PDE1A: variants seen among roughly 807,000 people sequenced by gnomAD.
PDE1A encodes dual specificity calcium/calmodulin-dependent 3',5'-cyclic nucleotide phosphodiesterase 1A.
PDE1A carries 35 observed loss-of-function variants against 61.7 expected under a neutral mutation model. That is an observed-to-expected ratio of 0.57 (90% CI 0.43 to 0.75). The LOEUF is 0.75. Ranked by LOEUF, PDE1A falls within the 30% of genes least tolerant of loss-of-function variation. The probability of loss-of-function intolerance (pLI) is 0.00; values close to 1 mark genes in which losing one functional copy is unlikely to be tolerated. For missense variants in PDE1A, 597 were observed against 630.6 expected (o/e 0.95, Z 0.57); for synonymous variants, 232 against 213.2 (o/e 1.09, Z -0.77).
intron 13 of PDE1A, among the ~76,000 whole-genome samples, chr2:182,151,657 A>G (rs75002550): frequency 0.018 from 2,741 of 152,284 alleles, 88 homozygotes; most frequent in African/African-American, 0.062. Context: ...TAGACTTTAA[A>G]TATACTCCTT....
chr2:182,417,892 T>TA (rs1025464474), intron 1 of PDE1A, among the ~76,000 whole-genome samples: 12 of 151,646 alleles, frequency 7.9e-5, no homozygotes, highest in Non-Finnish European at 1.6e-4. Context: ...AATGTCAATT[T>TA]AAAAAAAAAT....
At chr2:182,218,703 C>A (rs1688456069) in intron 7 of PDE1A, among the ~76,000 whole-genome samples, 1 of 152,008 alleles carries the variant, frequency 6.6e-6, no homozygotes, top group Non-Finnish European at 1.5e-5. Context: ...GCTTTTTCTG[C>A]ATTTATTGAT....
chr2:182,283,558 T>C (rs995133193), intron 1 of PDE1A, among the ~76,000 whole-genome samples: 1 of 152,062 alleles, frequency 6.6e-6, no homozygotes, highest in South Asian at 2.1e-4. Flanking sequence ...GAAACTGTTA[T>C]GAGTTTTTTT....
intron 1 of PDE1A, among the ~76,000 whole-genome samples, chr2:182,287,254 T>C (rs1694226697): frequency 1.3e-5 from 2 of 152,056 alleles, no homozygotes; most frequent in Non-Finnish European, 2.9e-5. Flanking sequence ...TCATTTTAAA[T>C]GACACCTCTT....
the PDE1A span, among the ~76,000 whole-genome samples, chr2:182,533,152 A>G: frequency 6.6e-6 from 1 of 151,920 alleles, no homozygotes; most frequent in Non-Finnish European, 1.5e-5. Flanking sequence ...TCTCTACTAA[A>G]ATACAAAAAT....
intron 2 of PDE1A, among the ~76,000 whole-genome samples, chr2:182,455,759 G>C (rs1486477979): frequency 6.6e-6 from 1 of 151,972 alleles, no homozygotes; most frequent in Non-Finnish European, 1.5e-5. Context: ...GACTGTTGTG[G>C]GTGGGGGAAT....
At chr2:182,624,672 A>C in the PDE1A span, among the ~76,000 whole-genome samples, 1 of 152,154 alleles carries the variant, frequency 6.6e-6, no homozygotes, top group African/African-American at 2.4e-5. Context: ...GAGGCCTGTC[A>C]GTCCCCTTCT....
At chr2:182,523,747 GT>G (rs1350660323), upstream of PDE1A, among the ~76,000 whole-genome samples, 1 of 152,078 alleles carries the variant, frequency 6.6e-6, no homozygotes, top group Non-Finnish European at 1.5e-5. Flanking sequence ...CAATACTCCT[GT>G]TCAACAGTTG....
At chr2:182,675,172 TA>T in the PDE1A span, among the ~76,000 whole-genome samples, 1 of 152,140 alleles carries the variant, frequency 6.6e-6, no homozygotes, top group African/African-American at 2.4e-5. Flanking sequence ...GAGTTCTCCT[TA>T]TTTAGCTCCC....
At chr2:182,287,806 C>T (rs1451649900) in intron 1 of PDE1A, among the ~76,000 whole-genome samples, 1 of 152,102 alleles carries the variant, frequency 6.6e-6, no homozygotes, top group Non-Finnish European at 1.5e-5. Context: ...AATGTAATGT[C>T]TGATGGTAGA....
At chr2:182,529,485 T>C in the PDE1A span, among the ~76,000 whole-genome samples, 1 of 152,220 alleles carries the variant, frequency 6.6e-6, no homozygotes, top group Non-Finnish European at 1.5e-5. Context: ...TTGCCTTGTC[T>C]CAGATGAGAC....
intron 2 of PDE1A, among the ~76,000 whole-genome samples, chr2:182,446,095 A>G (rs569785275): frequency 6.6e-6 from 1 of 152,234 alleles, no homozygotes; most frequent in African/African-American, 2.4e-5. Context: ...TTGTGTTTTC[A>G]CCATCTCAGC....
the PDE1A span, among the ~76,000 whole-genome samples, chr2:182,626,824 T>TACATATATATAC: frequency 4.5e-5 from 1 of 22,060 alleles, no homozygotes; most frequent in Non-Finnish European, 9.2e-5. Flanking sequence ...CATATATATA[T>TACATATATATAC]ACATATATAT....
rs539159061 is a variant in PDE1A, at chr2:182,149,808, A to C, written c.1517-2656T>G. On this transcript the variant is annotated intron_variant, in intron 13 of 13. Transcript: ENST00000409365. ...GTACCATATAAAGGCTTTGAGAAAC[A>C]CCCATATACCAAGGTTCCAAATGGT... Among the ~76,000 whole-genome samples the C allele has an allele frequency of 6.4e-4, 97 of 152,264 alleles. 1 individual carries two copies. The highest frequency in any genetic ancestry group is 2.2e-3 in the African/African-American group (91 of 41,578).
intron 1 of PDE1A, among the ~76,000 whole-genome samples, chr2:182,373,357 G>A (rs762035449): frequency 2.6e-5 from 4 of 152,186 alleles, no homozygotes; most frequent in Non-Finnish European, 5.9e-5. Context: ...AGGAAAGGAG[G>A]AGGAGAGAGG....
chr2:182,381,419 A>G (rs940628352), intron 1 of PDE1A, among the ~76,000 whole-genome samples: 3 of 152,240 alleles, frequency 2.0e-5, no homozygotes, highest in African/African-American at 7.2e-5. Context: ...GCGTTACATT[A>G]TAAGGCTCAC....
chr2:182,489,045 C>T (rs1688206914), intron 2 of PDE1A, among the ~76,000 whole-genome samples: 2 of 152,150 alleles, frequency 1.3e-5, no homozygotes, highest in Non-Finnish European at 2.9e-5. Flanking sequence ...TAAAAATGTA[C>T]AGACTGATAT....
At position 182,201,639 on chromosome 2, in the gene PDE1A, C is replaced by T. The variant is rs780802804; in HGVS notation, c.1004+49G>A. The T allele has an allele frequency of 3.9e-5, 36 of 927,394 alleles. No homozygotes were observed. In the South Asian group the frequency reaches 5.3e-4, roughly 14 times the overall value. 57.4% of individuals were successfully genotyped at this position (927,394 alleles called of 1,614,324 possible). Reference sequence around the variant, plus strand: ...CTTTTCTGAGGCCAAGCCCCTGGAACTTTAACATGACAAAAAAAAAAAAAC... The same window carrying T: ...CTTTTCTGAGGCCAAGCCCCTGGAATTTTAACATGACAAAAAAAAAAAAAC... On this transcript the variant is annotated intron_variant, in intron 9 of 13. Transcript: ENST00000351439.
chr2:182,177,280 C>G (rs1345007780), intron 13 of PDE1A, among the ~76,000 whole-genome samples: 1 of 152,090 alleles, frequency 6.6e-6, no homozygotes, highest in Non-Finnish European at 1.5e-5. Context: ...TCTCCTTGTA[C>G]CTCTGGTAGA....
Sources: allele counts gnomAD v4.1 joint callset (sites outside exome capture counted in the v4.1 genomes callset), GRCh38; gene constraint gnomAD v4.1.1; transcripts MANE v1.5; gene names NCBI Gene and HGNC (gene_info 2026-07-23, HGNC 2026-07-21).